Variants in PCDHA2 observed in about 807,000 individuals in gnomAD.
PCDHA2 encodes the protein protocadherin alpha 2.
PCDHA2 carries 58 observed loss-of-function variants against 66.0 expected under a neutral mutation model. The ratio of observed to expected loss-of-function variants is 0.88; its 90% CI spans 0.71 to 1.09. The LOEUF is 1.09. Ranked by LOEUF, PCDHA2 falls within the 50% of genes least tolerant of loss-of-function variation. The pLI is 0.00. For synonymous variants in PCDHA2, 634 were observed against 554.0 expected (o/e 1.14, Z -2.03); for missense variants, 1,267 against 1,242.3 (o/e 1.02, Z -0.30).
chr5:140,966,928 C>T (rs782034487), intron 1 of PCDHA2: 1 of 1,603,332 alleles, frequency 6.2e-7, no homozygotes, highest in South Asian at 1.1e-5. Context: ...AGCAGGCACC[C>T]GGCGCGCTCG....
chr5:140,821,540 C>T (rs1554128115), intron 1 of PCDHA2: 7 of 480,180 alleles, frequency 1.5e-5, no homozygotes, highest in South Asian at 4.2e-5. Flanking sequence ...AACACTTACC[C>T]TTTCATCCAC....
At chr5:140,941,194 TCTTTCTTCC>T (rs781813612) in intron 1 of PCDHA2, among the ~76,000 whole-genome samples, 93 of 112,424 alleles carry the variant, frequency 8.3e-4, no homozygotes, top group South Asian at 2.2e-3. Flanking sequence ...TCTTTTTTTT[TCTTTCTTCC>T]TTTCTTTCTT....
chr5:140,941,961 T>A (rs150142414), intron 1 of PCDHA2, among the ~76,000 whole-genome samples: 2 of 152,214 alleles, frequency 1.3e-5, no homozygotes, highest in African/African-American at 4.8e-5. Flanking sequence ...AACAATAGTA[T>A]CTTTACTTTC....
At chr5:140,800,453 A>T (rs1581636974) in intron 1 of PCDHA2, among the ~76,000 whole-genome samples, 1 of 152,188 alleles carries the variant, frequency 6.6e-6, no homozygotes, top group South Asian at 2.1e-4. Flanking sequence ...ATAAAAGTAG[A>T]TATATGTATG....
At chr5:141,002,923 C>A (rs1261794185) in intron 3 of PCDHA2, among the ~76,000 whole-genome samples, 2 of 152,220 alleles carry the variant, frequency 1.3e-5, no homozygotes, top group Non-Finnish European at 2.9e-5. Flanking sequence ...AAAGTGAACA[C>A]CCTCCAACAC....
chr5:140,956,979 A>C (rs2153711830), intron 1 of PCDHA2, among the ~76,000 whole-genome samples: 1 of 152,346 alleles, frequency 6.6e-6, no homozygotes, highest in South Asian at 2.1e-4. Context: ...AATTTAAGTA[A>C]AATAAATTCA....
At chr5:140,985,999 A>G (rs932659753) in intron 3 of PCDHA2, among the ~76,000 whole-genome samples, 10 of 152,104 alleles carry the variant, frequency 6.6e-5, no homozygotes, top group Non-Finnish European at 1.5e-4. Flanking sequence ...TCAGCCTCCC[A>G]AAGTGCTGGG....
intron 3 of PCDHA2, among the ~76,000 whole-genome samples, chr5:140,993,561 T>C (rs1282310511): frequency 6.6e-6 from 1 of 151,800 alleles, no homozygotes; most frequent in Non-Finnish European, 1.5e-5. Flanking sequence ...GTATATAGTA[T>C]CCTTTCTAGG....
chr5:140,875,876 A>C, intron 1 of PCDHA2: 1 of 1,614,178 alleles, frequency 6.2e-7, no homozygotes, highest in South Asian at 1.1e-5. Flanking sequence ...GTGTTCAGAG[A>C]AAGGGAACAA....
intron 1 of PCDHA2, chr5:140,823,018 G>T (rs1386534416): frequency 1.2e-6 from 2 of 1,614,118 alleles, no homozygotes; most frequent in Admixed American, 1.7e-5. Context: ...CCTGGACCGC[G>T]AGAGCGTGTC....
At chr5:140,972,783 C>T (rs1437997582) in intron 1 of PCDHA2, among the ~76,000 whole-genome samples, 2 of 151,768 alleles carry the variant, frequency 1.3e-5, no homozygotes, top group African/African-American at 4.8e-5. Context: ...TCTGCCTCAG[C>T]CTCCTGAGTA....
chr5:140,966,363 G>A (rs1476634162), intron 1 of PCDHA2: 3 of 402,216 alleles, frequency 7.5e-6, no homozygotes, highest in Admixed American at 4.4e-5. Flanking sequence ...GGGCTGGAGA[G>A]GCTGAGCAGT....
chr5:140,916,053 G>T (rs1378949362), intron 1 of PCDHA2, among the ~76,000 whole-genome samples: 1 of 152,104 alleles, frequency 6.6e-6, no homozygotes, highest in African/African-American at 2.4e-5. Flanking sequence ...AGGCAGAGGT[G>T]CCTCTCCCTG....
At chr5:140,869,843 A>C in intron 1 of PCDHA2, 1 of 1,611,638 alleles carries the variant, frequency 6.2e-7, no homozygotes, top group East Asian at 2.2e-5. Context: ...AAATCAGAAT[A>C]TAAGGTGAGC....
At chr5:140,876,568 G>C (rs1302204057) in intron 1 of PCDHA2, 2 of 1,614,046 alleles carry the variant, frequency 1.2e-6, no homozygotes, top group African/African-American at 1.3e-5. Context: ...TGCTCAGGTG[G>C]GTACCGTCAT....
intron 1 of PCDHA2, among the ~76,000 whole-genome samples, chr5:140,899,285 A>T (rs2067252506): frequency 6.6e-6 from 1 of 152,132 alleles, no homozygotes; most frequent in African/African-American, 2.4e-5. Context: ...CAAAGGGAAT[A>T]CTTCCAGTTT....
chr5:140,990,427 AC>A (rs1488981685), intron 3 of PCDHA2, among the ~76,000 whole-genome samples: 5 of 152,174 alleles, frequency 3.3e-5, no homozygotes, highest in African/African-American at 1.2e-4. Flanking sequence ...ACCAGCATTG[AC>A]CCAATCTTGT....
chr5:140,918,680 C>A (rs1291001659), intron 1 of PCDHA2, among the ~76,000 whole-genome samples: 2 of 152,084 alleles, frequency 1.3e-5, no homozygotes, highest in Admixed American at 1.3e-4. Flanking sequence ...GAGGTGAGAC[C>A]TTTCAAACAT....
chr5:140,862,586 C>G (rs2047435706), intron 1 of PCDHA2: 3 of 498,034 alleles, frequency 6.0e-6, no homozygotes, highest in Non-Finnish European at 1.2e-5. Flanking sequence ...TTCCAGCAGC[C>G]CGAGTACATG....
Sources: allele counts gnomAD v4.1 joint callset (sites outside exome capture counted in the v4.1 genomes callset), GRCh38; gene constraint gnomAD v4.1.1; transcripts MANE v1.5; gene names NCBI Gene and HGNC (gene_info 2026-07-23, HGNC 2026-07-21).